The following CALCRL variants were observed in gnomAD, a reference collection of about 807,000 sequenced individuals.
CALCRL encodes calcitonin gene-related peptide type 1 receptor.
In CALCRL, 27 loss-of-function variants were observed where a neutral mutation model predicts 60.4. That is an observed-to-expected ratio of 0.45 (90% CI 0.33 to 0.62). The LOEUF is 0.62. Among genes scored for constraint, CALCRL ranks in the 20% least tolerant of loss-of-function variants. The probability of loss-of-function intolerance (pLI) is 0.03; values close to 1 mark genes in which losing one functional copy is unlikely to be tolerated. For missense variants in CALCRL, 424 were observed against 540.7 expected (o/e 0.78, Z 2.14); for synonymous variants, 190 against 182.6 (o/e 1.04, Z -0.33).
chr2:187,437,216 G>A (rs2105903141), intron 1 of CALCRL, among the ~76,000 whole-genome samples: 1 of 152,222 alleles, frequency 6.6e-6, no homozygotes, highest in East Asian at 1.9e-4. Context: ...ATTTTAAAAT[G>A]TTAAATTCAA....
intron 1 of CALCRL, among the ~76,000 whole-genome samples, chr2:187,388,258 A>C (rs1688287485): frequency 6.6e-6 from 1 of 152,004 alleles, no homozygotes; most frequent in South Asian, 2.1e-4. Flanking sequence ...ATTATTATCA[A>C]GTATTAATAG....
chr2:187,387,023 CT>C (rs937420929), intron 3 of CALCRL, among the ~76,000 whole-genome samples: 2 of 152,138 alleles, frequency 1.3e-5, no homozygotes, highest in African/African-American at 4.8e-5. Context: ...ATTGCCCAGT[CT>C]TGGGTATGTG....
Position 187,360,596 on chromosome 2 carries a change from AC to A in CALCRL, c.781+1del. 1.2e-6 allele frequency: 2 copies of A among 1,608,030 alleles called. No homozygotes were observed. The highest frequency in any genetic ancestry group is 1.7e-6 in the Non-Finnish European group (2 of 1,177,360). ...TCAACAAGTATGTATAATAACACTT[AC>A]CCCAGCCAAGAAAATAATACCACAT... is the stretch of plus-strand genomic sequence containing the variant. On this transcript the variant is annotated splice_donor_variant, in intron 10 of 14. Transcript: ENST00000392370. LOFTEE classifies it high-confidence loss of function.
chr2:187,402,420 A>AGTGT (rs59396175), intron 1 of CALCRL, among the ~76,000 whole-genome samples: 7,419 of 148,494 alleles, frequency 0.05, 307 homozygotes, highest in East Asian at 0.19. Context: ...TATGTTTGTG[A>AGTGT]GTGTGTGTGT....
intron 12 of CALCRL, among the ~76,000 whole-genome samples, chr2:187,354,113 A>T (rs1176360638): frequency 6.6e-6 from 1 of 152,044 alleles, no homozygotes; most frequent in Non-Finnish European, 1.5e-5. Flanking sequence ...AGAATTTTAA[A>T]TTTTAGAAGA....
intron 1 of CALCRL, among the ~76,000 whole-genome samples, chr2:187,441,405 G>C (rs1208020684): frequency 6.6e-6 from 1 of 151,976 alleles, no homozygotes; most frequent in Non-Finnish European, 1.5e-5. Flanking sequence ...ATGAAAAATA[G>C]AGTGGCAGCC....
chr2:187,422,462 A>G (rs1300026213), intron 1 of CALCRL, among the ~76,000 whole-genome samples: 1 of 152,120 alleles, frequency 6.6e-6, no homozygotes, highest in African/African-American at 2.4e-5. Flanking sequence ...TTCAATGGAC[A>G]ATGGATTGGA....
At chr2:187,363,304 A>T in intron 9 of CALCRL, 72 bp downstream of exon 9, 3 of 1,435,478 alleles carry the variant, frequency 2.1e-6, no homozygotes, top group Non-Finnish European at 2.8e-6. Context: ...TATACACATT[A>T]TGCATATATC....
At chr2:187,403,628 AG>A (rs1688991676) in intron 1 of CALCRL, among the ~76,000 whole-genome samples, 1 of 151,902 alleles carries the variant, frequency 6.6e-6, no homozygotes, top group Non-Finnish European at 1.5e-5. Context: ...GCTAGGTACA[AG>A]GAACTAAAAG....
At chr2:187,406,098 C>T (rs1402156601) in intron 1 of CALCRL, among the ~76,000 whole-genome samples, 2 of 151,174 alleles carry the variant, frequency 1.3e-5, no homozygotes, top group Admixed American at 1.3e-4. Flanking sequence ...GGCTTTATCA[C>T]CTCACTCAGA....
At chr2:187,427,555 C>G (rs1690199151) in intron 1 of CALCRL, among the ~76,000 whole-genome samples, 3 of 152,074 alleles carry the variant, frequency 2.0e-5, no homozygotes, top group East Asian at 3.9e-4. Context: ...ATTTCAATGG[C>G]AGTTTATGTT....
intron 1 of CALCRL, among the ~76,000 whole-genome samples, chr2:187,434,481 A>G (rs1172327869): frequency 6.6e-6 from 1 of 152,158 alleles, no homozygotes; most frequent in African/African-American, 2.4e-5. Flanking sequence ...AAAAAGTTTG[A>G]CAATAATACA....
Position 187,398,291 on chromosome 2 carries a change from A to G in CALCRL, c.-292-10535T>C, listed in dbSNP as rs1009340261. On this transcript the variant is annotated intron_variant, in intron 1 of 14. Transcript: ENST00000392370. The stretch of plus-strand genomic sequence containing the variant: ...TCCACAAAGTCAGGAGTCAAATGCT[A>G]TGTGAAAACATGTCTTGTTTTGTTT... Among the ~76,000 whole-genome samples, 3 of 151,808 alleles carry G rather than the reference A, an allele frequency of 2.0e-5. No homozygotes were observed. The South Asian group carries it at 6.2e-4, about 31-fold the overall frequency.
At chr2:187,375,789 C>A (rs2105768645) in intron 8 of CALCRL, among the ~76,000 whole-genome samples, 1 of 152,152 alleles carries the variant, frequency 6.6e-6, no homozygotes, top group African/African-American at 2.4e-5. Context: ...AAAAGCACTT[C>A]TCTATAGATG....
intron 7 of CALCRL, among the ~76,000 whole-genome samples, chr2:187,379,686 G>C (rs1687910109): frequency 6.6e-6 from 1 of 152,142 alleles, no homozygotes; most frequent in South Asian, 2.1e-4. Flanking sequence ...ATAGCTGGTA[G>C]TTATCAAGAG....
chr2:187,369,094 T>G (rs900471421), intron 8 of CALCRL, among the ~76,000 whole-genome samples: 1 of 152,176 alleles, frequency 6.6e-6, no homozygotes, highest in African/African-American at 2.4e-5. Context: ...GATAAATTAT[T>G]GCTCTTCCTC....
At chr2:187,346,958 A>G (rs1686303230) in intron 14 of CALCRL, among the ~76,000 whole-genome samples, 1 of 151,856 alleles carries the variant, frequency 6.6e-6, no homozygotes. Flanking sequence ...CATGGAGCTT[A>G]CTACATAGAG....
chr2:187,426,480 A>C (rs1480281619), intron 1 of CALCRL, among the ~76,000 whole-genome samples: 1 of 152,060 alleles, frequency 6.6e-6, no homozygotes, highest in East Asian at 1.9e-4. Context: ...TCATGTTGAT[A>C]ATAATAGTGG....
chr2:187,410,010 T>C (rs1689291729), intron 1 of CALCRL, among the ~76,000 whole-genome samples: 1 of 152,196 alleles, frequency 6.6e-6, no homozygotes, highest in South Asian at 2.1e-4. Flanking sequence ...CTGGCCTTTG[T>C]CTTATTACAC....
Sources: gnomAD v4.1 joint callset for allele counts (sites outside exome capture counted in the v4.1 genomes callset) on GRCh38, gnomAD v4.1.1 for gene constraint, MANE v1.5 for transcripts, NCBI Gene and HGNC (gene_info 2026-07-23, HGNC 2026-07-21) for gene names.